GOLGB1: variants seen among roughly 807,000 people sequenced by gnomAD.
The protein encoded by GOLGB1 is golgin subfamily B member 1.
Under a neutral mutation model 336.9 loss-of-function variants are expected in GOLGB1, and 174 were observed. The observed-to-expected ratio is 0.52, with a 90% CI of 0.46 to 0.59. The LOEUF is 0.59. Among genes scored for constraint, GOLGB1 ranks in the 20% least tolerant of loss-of-function variants. The pLI is 0.00. For missense variants in GOLGB1, 3,331 were observed against 3,645.3 expected, an observed-to-expected ratio of 0.91 and a Z score of 2.22; for synonymous variants, 1,208 against 1,289.2, an observed-to-expected ratio of 0.94 and a Z score of 1.35.
chr3:121,673,328 C>CA (rs893287865), intron 17 of GOLGB1, among the ~76,000 whole-genome samples: 1 of 150,492 alleles, frequency 6.6e-6, no homozygotes, highest in South Asian at 2.1e-4. Context: ...CTTGGCTTCC[C>CA]AAAGTGCTGG....
chr3:121,673,692 T>TATCC (rs148491721), intron 17 of GOLGB1, among the ~76,000 whole-genome samples: 3,993 of 146,966 alleles, frequency 0.027, 71 homozygotes, highest in South Asian at 0.063. Context: ...GATTGCTATC[T>TATCC]ATCTATCTAT....
chr3:121,729,185 T>C lies in GOLGB1; in HGVS notation c.402+3A>G, dbSNP rs775758385. On this transcript the variant is annotated splice_donor_region_variant and intron_variant, in intron 4 of 21. Transcript: ENST00000614479. ...AAATATACACTACACCCAGTCACCA[T>C]ACCTTGGAAAGTTGCTCCTCTGACT... The C allele has an allele frequency of 1.4e-5, 23 of 1,601,490 alleles. No homozygotes were observed. The highest frequency in any genetic ancestry group is 1.8e-5 in the Non-Finnish European group (21 of 1,174,838).
In GOLGB1 at chr3:121,719,654, T is replaced by C; in HGVS notation, c.763A>G (p.Met255Val). 2 of 1,607,120 alleles carry C rather than the reference T, an allele frequency of 1.2e-6. No homozygotes were observed. Among genetic ancestry groups the C allele is most frequent in the African/African-American group, 1.3e-5 (1 of 74,520 alleles). The stretch of plus-strand genomic sequence containing the variant: ...GAGTTTTAGCAACACACCTGTTGCA[T>C]CTCTGTTTCCACATCTGCCTGGGTT... ...LVTQADVETE[M>V]QQKLRVLQRK... Residue 255 changes from methionine to valine, a missense_variant, in exon 7 of 22, where the codon ATG (methionine) becomes GTG (valine). By Grantham distance (21) the Met-to-Val change is conservative (BLOSUM62 1). Transcript: ENST00000614479.
chr3:121,669,248 A>C lies in GOLGB1; in HGVS notation c.9285T>G (p.Cys3095Trp). 6.2e-7 allele frequency: 1 copy of C among 1,614,114 alleles called. No homozygotes were observed. The highest frequency in any genetic ancestry group is 8.5e-7 in the Non-Finnish European group (1 of 1,179,968). The change falls in exon 18 of 22, where the codon TGT becomes TGG. Residue 3095 changes from cysteine (C) to tryptophan (W), a missense_variant. Cys to Trp is a radical substitution (Grantham distance 215). Coordinates refer to ENST00000614479, the MANE Select transcript of GOLGB1 (RefSeq NM_001366282.2). ...CTTGAACCTGCTTCTCCAAGACTGC[A>C]CAGTGATTTAAAAGGTCACCATAGT... The part of the protein sequence containing the change: ...QQHYGDLLNH[C>W]AVLEKQVQEL...
chr3:121,693,115 A>C (rs1942605668), intron 13 of GOLGB1, among the ~76,000 whole-genome samples: 1 of 151,508 alleles, frequency 6.6e-6, no homozygotes, highest in African/African-American at 2.5e-5. Context: ...TAAAGGAAGA[A>C]GAAAAGACGA....
At chr3:121,666,684 AATGTC>A (rs1417799938) in intron 20 of GOLGB1, among the ~76,000 whole-genome samples, 1 of 152,200 alleles carries the variant, frequency 6.6e-6, no homozygotes, top group Non-Finnish European at 1.5e-5. Flanking sequence ...TAATATCAGA[AATGTC>A]ATTCTCTGAG....
intron 1 of GOLGB1, among the ~76,000 whole-genome samples, chr3:121,742,251 A>G (rs912687181): frequency 6.6e-6 from 1 of 152,222 alleles, no homozygotes; most frequent in Non-Finnish European, 1.5e-5. Flanking sequence ...ACAGCATGGT[A>G]CTGGTACCAA....
chr3:121,681,249 T>C (rs1246528572), intron 15 of GOLGB1, among the ~76,000 whole-genome samples: 2 of 152,202 alleles, frequency 1.3e-5, no homozygotes, highest in Non-Finnish European at 2.9e-5. Flanking sequence ...AGATTCCAGT[T>C]AGAAAACATT....
rs778615178 is a variant in GOLGB1, at chr3:121,676,985, C to A, written c.9085G>T (p.Val3029Phe). ...GTCCTGAGAAGTTCTGTCTCATAAA[C>A]CAGATTTTGTGACCCATCTGGGGAA... ...SASPDGSQNL[V>F]YETELLRTQL... Residue 3029 changes from valine (V) to phenylalanine (F), a missense_variant, in exon 17 of 22, where the codon GTT becomes TTT. Physicochemically the swap from Val to Phe is conservative, Grantham distance 50 (BLOSUM62 -1). Transcript: ENST00000614479. 1.2e-6 allele frequency: 2 copies of A among 1,613,676 alleles called. No individual in the cohort carries two copies. Among genetic ancestry groups the A allele is most frequent in the African/African-American group, 2.7e-5 (2 of 74,902 alleles).
intron 20 of GOLGB1, 124 bp downstream of exon 20, chr3:121,667,352 C>T (rs891274684): frequency 5.1e-6 from 5 of 979,044 alleles, no homozygotes; most frequent in Non-Finnish European, 6.1e-6. Flanking sequence ...TTGGTAAACT[C>T]ATTGCAGCAA....
intron 5 of GOLGB1, among the ~76,000 whole-genome samples, chr3:121,723,733 G>T (rs1945352925): frequency 6.6e-6 from 1 of 152,160 alleles, no homozygotes; most frequent in African/African-American, 2.4e-5. Flanking sequence ...AAGGAAGAAA[G>T]CCAGGAAATC....
rs775533233 is a variant in GOLGB1 at position 121,695,245 on chromosome 3, C to T, written c.5278G>A (p.Glu1760Lys). 25 of 1,613,666 alleles carry T rather than the reference C, an allele frequency of 1.5e-5. No individual in the cohort carries two copies. The highest frequency in any genetic ancestry group is 2.1e-5 in the Non-Finnish European group (25 of 1,179,870). The change falls in exon 13 of 22, where the codon GAG (glutamate) becomes AAG (lysine). Residue 1760 changes from glutamate (E) to lysine (K), a missense_variant. Glu to Lys is a moderately conservative substitution (Grantham distance 56). Transcript: ENST00000614479. ...ATCTGATGCTTTAAATCTTGAACCTCTTCACTTAGAGAGTCTTTCTCAGAC... is the reference window on the plus strand; with the variant it reads ...ATCTGATGCTTTAAATCTTGAACCTTTTCACTTAGAGAGTCTTTCTCAGAC... Reference protein sequence around the residue: ...LMSEKDSLSEEVQDLKHQIEG... With the variant: ...LMSEKDSLSEKVQDLKHQIEG...
chr3:121,696,697 TG>T lies in GOLGB1; in HGVS notation c.3825del (p.Thr1276GlnfsTer10). 1 of 1,614,148 alleles carries T rather than the reference TG, an allele frequency of 6.2e-7. No individual in the cohort carries two copies. On this transcript the variant is annotated frameshift_variant, in exon 13 of 22. Transcript: ENST00000614479. LOFTEE classifies it high-confidence loss of function. ...ACAGGTTGAGTGTGATGCTGTTCTG[TG>T]GCTTTGAATAAAGGTTCTTCTAAAC... ...TPGLEEPLFK[A>X]TEQHHTQPVL...
chr3:121,729,851 A>G lies in GOLGB1; in HGVS notation c.249+14T>C. ...TATCAAATGCTCCACAAGAAAGGATAAAAACAATAGTACCTGTAGAGCTTC... is the reference window on the plus strand; with the variant it reads ...TATCAAATGCTCCACAAGAAAGGATGAAAACAATAGTACCTGTAGAGCTTC... On this transcript the variant is annotated intron_variant, in intron 3 of 21. Transcript: ENST00000614479. The G allele has an allele frequency of 1.3e-6, 2 of 1,591,684 alleles. No homozygotes were observed. Among genetic ancestry groups the G allele is most frequent in the South Asian group, 2.2e-5 (2 of 88,942 alleles).
chr3:121,718,439 C>A lies in GOLGB1; in HGVS notation c.834G>T (p.Gln278His). The A allele has an allele frequency of 6.2e-7, 1 of 1,614,088 alleles. No homozygotes were observed. The highest frequency in any genetic ancestry group is 8.5e-7 in the Non-Finnish European group (1 of 1,179,926). ...EHEESLVGRA[Q>H]VVDLLQQELT... ...GCTCCTGTTGCAGCAAGTCAACGAC[C>A]TGAGCACGGCCCACCAAGGATTCTT... Residue 278 changes from glutamine (Q) to histidine (H), a missense_variant, in exon 8 of 22, where the codon CAG becomes CAT. Gln to His is a conservative substitution (Grantham distance 24). Coordinates refer to ENST00000614479, the MANE Select transcript of GOLGB1 (RefSeq NM_001366282.2).
At chr3:121,711,754 A>G (rs535279012) in intron 10 of GOLGB1, among the ~76,000 whole-genome samples, 1 of 152,242 alleles carries the variant, frequency 6.6e-6, no homozygotes, top group South Asian at 2.1e-4. Context: ...TAACTACTTC[A>G]GAATAAATGT....
At position 121,695,881 on chromosome 3, in the gene GOLGB1, G is replaced by C; in HGVS notation, c.4642C>G (p.Leu1548Val). The part of the protein sequence containing the change: ...EKDTVLGRLA[L>V]LQEERDKLIT... ...AGTTTGTCTCTTTCTTCTTGAAGAA[G>C]AGCTAACCTTCCTAAGACCGTATCT... The change falls in exon 13 of 22, where the codon CTT becomes GTT. Residue 1548 changes from leucine to valine, a missense_variant. By Grantham distance (32) the Leu-to-Val change is conservative. Coordinates refer to ENST00000614479, the MANE Select transcript of GOLGB1 (RefSeq NM_001366282.2). The C allele has an allele frequency of 6.2e-7, 1 of 1,613,794 alleles. No individual in the cohort carries two copies. The highest frequency in any genetic ancestry group is 8.5e-7 in the Non-Finnish European group (1 of 1,179,746).
Position 121,694,753 on chromosome 3 carries a change from T to C in GOLGB1, c.5770A>G (p.Lys1924Glu). The C allele has an allele frequency of 6.2e-7, 1 of 1,612,702 alleles. No homozygotes were observed. Among genetic ancestry groups the C allele is most frequent in the Non-Finnish European group, 8.5e-7 (1 of 1,179,906 alleles). ...ATAAGCCTCTCTTCCAAATCATCTT[T>C]CTCTTCTTCTGCTGTCTCCTTTAGT... is the stretch of plus-strand genomic sequence containing the variant. ...TKLKETAEEEKDDLEERLMNQ... is the reference protein window; with the variant it reads ...TKLKETAEEEEDDLEERLMNQ... Residue 1924 changes from lysine to glutamate, a missense_variant, in exon 13 of 22, where the codon AAA (lysine) becomes GAA (glutamate). Lys to Glu is a moderately conservative substitution (Grantham distance 56). Coordinates refer to ENST00000614479, the MANE Select transcript of GOLGB1 (RefSeq NM_001366282.2).
At chr3:121,665,326 C>T (rs1938458738) in intron 20 of GOLGB1, among the ~76,000 whole-genome samples, 1 of 152,232 alleles carries the variant, frequency 6.6e-6, no homozygotes, top group Non-Finnish European at 1.5e-5. Flanking sequence ...GTCTTATTAT[C>T]TTCAAAGTGC....
Sources: allele counts gnomAD v4.1 joint callset (sites outside exome capture counted in the v4.1 genomes callset), GRCh38; gene constraint gnomAD v4.1.1; transcripts MANE v1.5; gene names NCBI Gene and HGNC (gene_info 2026-07-23, HGNC 2026-07-21).